Variants in BLTP3B observed in about 807,000 individuals in gnomAD.
BLTP3B encodes the protein UHRF1 (ICBP90) binding protein 1-like.
the BLTP3B span, among the ~76,000 whole-genome samples, chr12:100,093,904 T>C: frequency 2.0e-5 from 3 of 152,226 alleles, no homozygotes; most frequent in Admixed American, 6.5e-5. Flanking sequence ...GCAGATTCTA[T>C]TGTCTCTTCT....
chr12:100,042,269 T>C, the BLTP3B span, among the ~76,000 whole-genome samples: 15 of 152,130 alleles, frequency 9.9e-5, no homozygotes, highest in Non-Finnish European at 1.5e-5. Context: ...GTAGAAATTA[T>C]CAAGCTGATT....
At chr12:100,069,009 G>A in the BLTP3B span, among the ~76,000 whole-genome samples, 10 of 152,134 alleles carry the variant, frequency 6.6e-5, no homozygotes, top group Admixed American at 1.3e-4. Context: ...AGGCTGACGC[G>A]GGCAGATCAC....
At chr12:100,140,729 A>AAT in the BLTP3B span, among the ~76,000 whole-genome samples, 2,220 of 61,214 alleles carry the variant, frequency 0.036, 109 homozygotes, top group Middle Eastern at 0.086. Context: ...AAAAAAAAAA[A>AAT]ATATATATAT....
the BLTP3B span, chr12:100,086,348 T>C: frequency 1.4e-6 from 1 of 731,602 alleles, no homozygotes; most frequent in Admixed American, 2.6e-5. Flanking sequence ...CAGTAATACG[T>C]CTGTTTGACT....
chr12:100,067,296 C>T, the BLTP3B span, among the ~76,000 whole-genome samples: 1 of 151,902 alleles, frequency 6.6e-6, no homozygotes, highest in East Asian at 1.9e-4. Context: ...GAAACAAGAA[C>T]AAACCAAACC....
At chr12:100,124,017 A>G in the BLTP3B span, among the ~76,000 whole-genome samples, 6 of 152,146 alleles carry the variant, frequency 3.9e-5, no homozygotes, top group African/African-American at 1.4e-4. Context: ...TACCCACAAC[A>G]CTTTGGAAGG....
At chr12:100,057,962 A>C in the BLTP3B span, 1 of 1,492,562 alleles carries the variant, frequency 6.7e-7, no homozygotes, top group Admixed American at 2.4e-5. Context: ...AAAACAAAAT[A>C]CACTCATAGG....
the BLTP3B span, among the ~76,000 whole-genome samples, chr12:100,137,046 G>A: frequency 3.9e-5 from 6 of 152,026 alleles, no homozygotes; most frequent in Admixed American, 3.3e-4. Flanking sequence ...CCCGACCTCA[G>A]GTGATCCACC....
the BLTP3B span, among the ~76,000 whole-genome samples, chr12:100,060,376 G>A: frequency 2.6e-5 from 4 of 152,066 alleles, no homozygotes; most frequent in African/African-American, 9.7e-5. Context: ...CTTTCCTAAG[G>A]TTGTATTTAC....
At chr12:100,107,066 G>A in the BLTP3B span, among the ~76,000 whole-genome samples, 3 of 151,906 alleles carry the variant, frequency 2.0e-5, no homozygotes, top group South Asian at 6.2e-4. Flanking sequence ...GGCGGGTGGT[G>A]GATCACCTGT....
the BLTP3B span, among the ~76,000 whole-genome samples, chr12:100,054,225 T>C: frequency 6.6e-6 from 1 of 152,104 alleles, no homozygotes; most frequent in African/African-American, 2.4e-5. Flanking sequence ...TAAAAATATT[T>C]TCAAAGGAGT....
At chr12:100,050,073 A>G in the BLTP3B span, 2 of 1,215,876 alleles carry the variant, frequency 1.6e-6, no homozygotes, top group East Asian at 2.8e-5. Flanking sequence ...CTTGAATTCA[A>G]TTATAGCCAA....
At chr12:100,129,737 A>G in the BLTP3B span, among the ~76,000 whole-genome samples, 1 of 152,236 alleles carries the variant, frequency 6.6e-6, no homozygotes. Context: ...GAAGAGATAC[A>G]GACAATCTGG....
chr12:100,088,881 A>C, the BLTP3B span: 2 of 1,468,214 alleles, frequency 1.4e-6, no homozygotes, highest in Non-Finnish European at 9.0e-7. Context: ...TTCTAGAAAA[A>C]CCAAAATAGT....
the BLTP3B span, chr12:100,058,047 T>A: frequency 6.4e-7 from 1 of 1,570,476 alleles, no homozygotes; most frequent in Non-Finnish European, 8.6e-7. Context: ...TGACTGTGAT[T>A]TAAGTGTTCT....
At chr12:100,057,408 A>G in the BLTP3B span, among the ~76,000 whole-genome samples, 4 of 152,126 alleles carry the variant, frequency 2.6e-5, no homozygotes, top group Non-Finnish European at 5.9e-5. Flanking sequence ...AATAATTAAC[A>G]ATTACTAAAT....
the BLTP3B span, chr12:100,097,304 AATC>A: frequency 1.3e-6 from 2 of 1,528,230 alleles, no homozygotes; most frequent in Non-Finnish European, 1.8e-6. Context: ...TTAACACACA[AATC>A]AAAAAGTCAA....
chr12:100,072,572 C>G, the BLTP3B span: 2 of 1,023,358 alleles, frequency 2.0e-6, no homozygotes, highest in African/African-American at 3.4e-5. Flanking sequence ...AGGAACAATA[C>G]AGTTTTATTT....
the BLTP3B span, among the ~76,000 whole-genome samples, chr12:100,043,428 T>C: frequency 2.0e-5 from 3 of 152,346 alleles, no homozygotes; most frequent in Admixed American, 6.5e-5. Context: ...ATTCAATTCA[T>C]TCCAATTATC....
Sources: allele counts gnomAD v4.1 joint callset (sites outside exome capture counted in the v4.1 genomes callset), GRCh38; gene constraint gnomAD v4.1.1; transcripts MANE v1.5; gene names NCBI Gene and HGNC (gene_info 2026-07-23, HGNC 2026-07-21).